Variants in ARHGAP6 observed in about 807,000 individuals in gnomAD.
The protein encoded by ARHGAP6 is Rho GTPase activating protein 6, also known as rho GTPase-activating protein 6.
Under a neutral mutation model 55.7 loss-of-function variants are expected in ARHGAP6, and 16 were observed. The ratio of observed to expected loss-of-function variants is 0.29; its 90% CI spans 0.19 to 0.44. The LOEUF is 0.44. ARHGAP6 is among the 20% of genes least tolerant of loss of function. The pLI is 1.00. For synonymous variants in ARHGAP6, 382 were observed against 360.9 expected, an observed-to-expected ratio of 1.06 and a Z score of -0.66; for missense variants, 698 against 808.9, an observed-to-expected ratio of 0.86 and a Z score of 1.66.
At chrX:11,203,179 G>A (rs1057214938) in intron 2 of ARHGAP6, among the ~76,000 whole-genome samples, 5 of 111,563 alleles carry the variant, frequency 4.5e-5, no homozygotes, top group East Asian at 2.8e-4. Flanking sequence ...TACTTCCCCC[G>A]GGATATACCA....
At chrX:11,301,424 CAT>C (rs938661063) in intron 1 of ARHGAP6, among the ~76,000 whole-genome samples, 2 of 111,666 alleles carry the variant, frequency 1.8e-5, no homozygotes, top group African/African-American at 6.5e-5. Context: ...CTTTCTCACT[CAT>C]ATTTATATTT....
chrX:11,577,455 G>T (rs926691996), intron 1 of ARHGAP6, among the ~76,000 whole-genome samples: 11 of 111,778 alleles, frequency 9.8e-5, no homozygotes, highest in African/African-American at 3.6e-4. Context: ...CCAGTTGAGG[G>T]CTGCTCCTAG....
chrX:11,447,630 C>A (rs1265345172), intron 1 of ARHGAP6, among the ~76,000 whole-genome samples: 3 of 112,014 alleles, frequency 2.7e-5, no homozygotes, highest in African/African-American at 9.8e-5. Context: ...GTTTGCTGGC[C>A]CCTGCCTTAG....
At chrX:11,349,628 G>A (rs999246049) in intron 1 of ARHGAP6, among the ~76,000 whole-genome samples, 1 of 112,016 alleles carries the variant, frequency 8.9e-6, no homozygotes, top group Admixed American at 9.5e-5. Flanking sequence ...GGCATCCACT[G>A]AAGACAAATT....
intron 10 of ARHGAP6, among the ~76,000 whole-genome samples, chrX:11,152,364 A>C (rs759670740): frequency 8.9e-6 from 1 of 112,177 alleles, no homozygotes; most frequent in South Asian, 3.7e-4. Context: ...AGCCAGCACC[A>C]TCTGGCAGTT....
chrX:11,236,184 T>C (rs1340610854), intron 2 of ARHGAP6, among the ~76,000 whole-genome samples: 3 of 111,889 alleles, frequency 2.7e-5, no homozygotes, highest in Non-Finnish European at 3.8e-5. Flanking sequence ...CTCAGGAAAC[T>C]TACAATCATT....
chrX:11,502,845 T>C (rs1484807920), intron 1 of ARHGAP6, among the ~76,000 whole-genome samples: 1 of 111,917 alleles, frequency 8.9e-6, no homozygotes, highest in African/African-American at 3.3e-5. Flanking sequence ...CAGTAGGCTA[T>C]TAGTAGTTAA....
chrX:11,160,450 C>G (rs1197589981), intron 9 of ARHGAP6, among the ~76,000 whole-genome samples: 1 of 95,475 alleles, frequency 1.0e-5, no homozygotes, highest in African/African-American at 3.8e-5. Flanking sequence ...GAGCGAGACT[C>G]TGTCTCAAAA....
chrX:11,495,173 T>C (rs183412369), intron 1 of ARHGAP6, among the ~76,000 whole-genome samples: 7 of 111,854 alleles, frequency 6.3e-5, no homozygotes, highest in Admixed American at 4.7e-4. Context: ...GGCAGAAAAT[T>C]CAGTTATCAT....
chrX:11,642,239 G>A (rs145823648), intron 1 of ARHGAP6, among the ~76,000 whole-genome samples: 1,869 of 111,388 alleles, frequency 0.017, 33 homozygotes, highest in African/African-American at 0.057. Flanking sequence ...TCCAACTTGG[G>A]TGCCATCACT....
intron 1 of ARHGAP6, among the ~76,000 whole-genome samples, chrX:11,333,641 G>A (rs1197977407): frequency 1.8e-5 from 2 of 112,394 alleles, no homozygotes; most frequent in Non-Finnish European, 3.8e-5. Flanking sequence ...AAAAGGAGAA[G>A]AGATAGCCTT....
At chrX:11,246,714 G>A (rs1000420024) in intron 2 of ARHGAP6, among the ~76,000 whole-genome samples, 1 of 111,704 alleles carries the variant, frequency 9.0e-6, no homozygotes, top group African/African-American at 3.3e-5. Context: ...CCTTTGTTGA[G>A]GGCCTCTGGG....
chrX:11,529,406 G>A (rs2061142816), intron 1 of ARHGAP6, among the ~76,000 whole-genome samples: 1 of 112,135 alleles, frequency 8.9e-6, no homozygotes, highest in African/African-American at 3.2e-5. Context: ...TTACTAAAAA[G>A]GGGTGGAGGG....
At chrX:11,266,379 T>C (rs1017152034) in intron 1 of ARHGAP6, among the ~76,000 whole-genome samples, 1 of 111,538 alleles carries the variant, frequency 9.0e-6, no homozygotes, top group Non-Finnish European at 1.9e-5. Context: ...TCTTAAATTA[T>C]ATTTTAAAAC....
At chrX:11,491,948 AT>A (rs1462238434) in intron 1 of ARHGAP6, among the ~76,000 whole-genome samples, 2 of 107,739 alleles carry the variant, frequency 1.9e-5, no homozygotes, top group Non-Finnish European at 3.8e-5. Flanking sequence ...TTTGATTTGC[AT>A]TTCTCTGATG....
In ARHGAP6 at chrX:11,579,490, G is replaced by A. The variant is rs908440296; in HGVS notation, c.588+84751C>T. 2.7e-5 allele frequency among the ~76,000 whole-genome samples: 3 copies of A among 112,049 alleles called. No homozygotes were observed. The East Asian group carries it at 8.3e-4, about 31-fold the overall frequency. ...GTAGATATTTTCTAACTTTATCAATGTGTGTACAATAAATGTTAATTATTA... is the reference window on the plus strand; with the variant it reads ...GTAGATATTTTCTAACTTTATCAATATGTGTACAATAAATGTTAATTATTA... On this transcript the variant is annotated intron_variant, in intron 1 of 12. Transcript: ENST00000337414.
At chrX:11,477,128 A>G (rs1187542965) in intron 1 of ARHGAP6, among the ~76,000 whole-genome samples, 3 of 108,007 alleles carry the variant, frequency 2.8e-5, no homozygotes, top group African/African-American at 1.0e-4. Flanking sequence ...TCAAAAATTG[A>G]CAATTTTTCA....
intron 1 of ARHGAP6, among the ~76,000 whole-genome samples, chrX:11,523,121 C>T: frequency 9.0e-6 from 1 of 111,671 alleles, no homozygotes; most frequent in East Asian, 2.8e-4. Flanking sequence ...TAAACAGAAC[C>T]AAAGACAAAA....
intron 1 of ARHGAP6, among the ~76,000 whole-genome samples, chrX:11,299,504 CTA>C (rs1423654738): frequency 1.8e-5 from 2 of 112,059 alleles, no homozygotes; most frequent in Non-Finnish European, 3.8e-5. Flanking sequence ...GGCGGCTAAA[CTA>C]AACATACTGT....
Sources: allele counts gnomAD v4.1 joint callset (sites outside exome capture counted in the v4.1 genomes callset), GRCh38; gene constraint gnomAD v4.1.1; transcripts MANE v1.5; gene names NCBI Gene and HGNC (gene_info 2026-07-23, HGNC 2026-07-21).